Variants in GALNT16 observed in about 807,000 individuals in gnomAD.
The protein encoded by GALNT16 is polypeptide N-acetylgalactosaminyltransferase 16, also known as UDP-GalNAc:polypeptide N-acetylgalactosaminyltransferase-like protein 1.
Under a neutral mutation model 76.1 loss-of-function variants are expected in GALNT16, and 40 were observed. That is an observed-to-expected ratio of 0.53 (90% CI 0.41 to 0.68). The LOEUF (loss-of-function observed/expected upper bound fraction) is 0.68. Ranked by LOEUF, GALNT16 falls within the 30% of genes least tolerant of loss-of-function variation. The pLI is 0.00. For missense variants in GALNT16, 621 were observed against 731.9 expected (o/e 0.85, Z 1.75); for synonymous variants, 276 against 285.2 (o/e 0.97, Z 0.32).
chr14:69,325,407 GA>G lies in GALNT16; in HGVS notation c.502+4del. The G allele has an allele frequency of 6.4e-7, 1 of 1,555,766 alleles. No homozygotes were observed. The highest frequency in any genetic ancestry group is 8.9e-7 in the Non-Finnish European group (1 of 1,126,766). On this transcript the variant is annotated splice_donor_region_variant and intron_variant, in intron 4 of 14. Transcript: ENST00000448469. ...AGTGGATGACTTCAGCTCAGATCGT[GA>G]GTAGTCACCTTCCTTTTTGCAGCCC...
intron 14 of GALNT16, chr14:69,349,509 A>G (rs2045607213): frequency 6.6e-6 from 1 of 152,166 alleles, no homozygotes; most frequent in African/African-American, 2.4e-5. Context: ...CAGCTATCCC[A>G]CTGCCAATGC....
chr14:69,376,147 C>T, the GALNT16 span, among the ~76,000 whole-genome samples: 3 of 152,158 alleles, frequency 2.0e-5, no homozygotes, highest in Admixed American at 6.5e-5. Flanking sequence ...TTTGATCCTC[C>T]TGCCTTGGCC....
chr14:69,325,377 A>G lies in GALNT16; in HGVS notation c.475A>G (p.Ile159Val), dbSNP rs1304759867. The stretch of plus-strand genomic sequence containing the variant: ...TCCTGCCAACTTGATCCAGGAGATC[A>G]TTTTAGTGGATGACTTCAGCTCAGA... The part of the protein sequence containing the change: ...RTPANLIQEI[I>V]LVDDFSSDPE... Residue 159 changes from isoleucine to valine, a missense_variant, in exon 4 of 15, where the codon ATT becomes GTT. Physicochemically the swap from Ile to Val is conservative, Grantham distance 29. Coordinates refer to ENST00000448469, the MANE Select transcript of GALNT16 (RefSeq NM_001168368.2). The G allele has an allele frequency of 2.5e-6, 4 of 1,598,896 alleles. No individual in the cohort carries two copies. In the East Asian group the frequency reaches 8.9e-5, roughly 36 times the overall value.
downstream of GALNT16, chr14:69,357,777 G>A (rs1036202360): frequency 1.3e-5 from 2 of 152,266 alleles, no homozygotes; most frequent in Non-Finnish European, 2.9e-5. Flanking sequence ...TATCCCTGGA[G>A]GGATTGTAGA....
the GALNT16 span, among the ~76,000 whole-genome samples, chr14:69,362,358 T>A: frequency 1.8e-4 from 27 of 152,266 alleles, no homozygotes; most frequent in African/African-American, 6.3e-4. Flanking sequence ...CTTTGTCCAC[T>A]TGAGGTGGAG....
At position 69,328,556 on chromosome 14, in the gene GALNT16, G is replaced by A; in HGVS notation, c.675G>A (p.Leu225=). The A allele has an allele frequency of 6.2e-7, 1 of 1,613,274 alleles. No individual in the cohort carries two copies. The highest frequency in any genetic ancestry group is 1.3e-5 in the African/African-American group (1 of 75,026). Residue 225 remains leucine, a synonymous_variant, in exon 6 of 15, where the codon CTG becomes CTA. Transcript: ENST00000448469. ...ACACCGAGTGGCTGCCGCCCATGCT[G>A]CAGCGGGTGAAGGAGGTGAGCCACT... ...EVNTEWLPPM[L]QRVKEDHTRV...
chr14:69,294,594 A>G (rs2044729733), intron 1 of GALNT16, among the ~76,000 whole-genome samples: 1 of 152,156 alleles, frequency 6.6e-6, no homozygotes, highest in Admixed American at 6.5e-5. Context: ...ATGCCCACAT[A>G]CAGTCACTTC....
At chr14:69,279,771 G>T (rs559478966) in intron 1 of GALNT16, among the ~76,000 whole-genome samples, 2 of 152,226 alleles carry the variant, frequency 1.3e-5, no homozygotes, top group Admixed American at 6.5e-5. Flanking sequence ...AAGGCTTGGC[G>T]TAGTAACCCC....
rs117960906 is a variant in GALNT16 at position 69,338,025 on chromosome 14, C to T, written c.968-626C>T. On this transcript the variant is annotated intron_variant, in intron 9 of 14. Transcript: ENST00000448469. Reference sequence around the variant, plus strand: ...GATCAGAGTGGTAACTTTTGAGGTCCCCTTCTGGGCAGCAGGATGGCCACT... The same window carrying T: ...GATCAGAGTGGTAACTTTTGAGGTCTCCTTCTGGGCAGCAGGATGGCCACT... Among the ~76,000 whole-genome samples the T allele has an allele frequency of 6.0e-4, 92 of 152,252 alleles. No individual in the cohort carries two copies. The East Asian group carries it at 0.017, about 28-fold the overall frequency.
At chr14:69,368,732 C>A in the GALNT16 span, among the ~76,000 whole-genome samples, 1 of 152,210 alleles carries the variant, frequency 6.6e-6, no homozygotes, top group Admixed American at 6.5e-5. Context: ...CCCACCATGT[C>A]CTCAGGGCAG....
intron 6 of GALNT16, among the ~76,000 whole-genome samples, chr14:69,330,567 T>G (rs939068415): frequency 6.6e-5 from 10 of 152,188 alleles, no homozygotes; most frequent in Non-Finnish European, 1.3e-4. Flanking sequence ...CACAGAGCAC[T>G]GAAAAACCAT....
chr14:69,364,875 A>G, the GALNT16 span, among the ~76,000 whole-genome samples: 1 of 152,052 alleles, frequency 6.6e-6, no homozygotes, highest in South Asian at 2.1e-4. The surrounding 1 kb of genome is among the most constrained non-coding windows in gnomAD (Gnocchi z 4.2). Flanking sequence ...CCAGAACCTG[A>G]CCTAAGTGTT....
At chr14:69,312,054 AATCTGTCTATCTATCT>A (rs777873635) in intron 1 of GALNT16, among the ~76,000 whole-genome samples, 64 of 125,708 alleles carry the variant, frequency 5.1e-4, no homozygotes, top group Non-Finnish European at 8.0e-4. Flanking sequence ...AAAAAAAAAA[AATCTGTCTATCTATCT>A]ATCTATCTAT....
chr14:69,288,143 A>C (rs2044639610), intron 1 of GALNT16, among the ~76,000 whole-genome samples: 1 of 152,212 alleles, frequency 6.6e-6, no homozygotes, highest in Non-Finnish European at 1.5e-5. Flanking sequence ...CTAGGAAGTG[A>C]CCTGGACAGC....
At chr14:69,284,282 T>C (rs2044581169) in intron 1 of GALNT16, among the ~76,000 whole-genome samples, 1 of 151,788 alleles carries the variant, frequency 6.6e-6, no homozygotes, top group African/African-American at 2.4e-5. Flanking sequence ...CAGAGGCGAG[T>C]GGGCCCATCA....
At chr14:69,279,042 C>T (rs139100246) in intron 1 of GALNT16, among the ~76,000 whole-genome samples, 2,206 of 152,092 alleles carry the variant, frequency 0.015, 61 homozygotes, top group African/African-American at 0.05. Context: ...AGCGATTCTC[C>T]GGCCTCAGCC....
the GALNT16 span, among the ~76,000 whole-genome samples, chr14:69,381,677 C>T: frequency 2.0e-5 from 3 of 152,028 alleles, no homozygotes; most frequent in Non-Finnish European, 4.4e-5. Flanking sequence ...CACTTCCCAC[C>T]ACCCCCACCA....
chr14:69,341,890 T>G, intron 12 of GALNT16, 126 bp downstream of exon 12: 1 of 675,038 alleles, frequency 1.5e-6, no homozygotes, highest in Non-Finnish European at 2.7e-6. Context: ...GCTGCCGGGT[T>G]TTATCTTCAC....
chr14:69,288,279 C>T (rs752121499), intron 1 of GALNT16, among the ~76,000 whole-genome samples: 10 of 152,166 alleles, frequency 6.6e-5, no homozygotes, highest in African/African-American at 1.2e-4. Context: ...TCCAGCATCC[C>T]GGCAGGACTC....
Sources: allele counts gnomAD v4.1 joint callset (sites outside exome capture counted in the v4.1 genomes callset), GRCh38; gene constraint gnomAD v4.1.1; non-coding constraint Gnocchi (gnomAD v3.1); transcripts MANE v1.5; gene names NCBI Gene and HGNC (gene_info 2026-07-23, HGNC 2026-07-21).